The following FRMPD4 variants were observed in gnomAD, a reference collection of about 807,000 sequenced individuals.
FRMPD4 encodes the protein FERM and PDZ domain containing 4, also known as FERM and PDZ domain-containing protein 4.
Under a neutral mutation model 94.1 loss-of-function variants are expected in FRMPD4, and 22 were observed. That is an observed-to-expected ratio of 0.23 (90% CI 0.17 to 0.33). The LOEUF (loss-of-function observed/expected upper bound fraction) is 0.33, where lower values mean the gene tolerates loss of function less well. Among genes scored for constraint, FRMPD4 ranks in the 10% least tolerant of loss-of-function variants. The probability of loss-of-function intolerance (pLI) is 1.00; values close to 1 mark genes in which losing one functional copy is unlikely to be tolerated. For synonymous variants in FRMPD4, 631 were observed against 548.6 expected (o/e 1.15, Z -2.10); for missense variants, 1,111 against 1,339.9 (o/e 0.83, Z 2.67).
intron 1 of FRMPD4, among the ~76,000 whole-genome samples, chrX:12,418,350 C>CTTTTTTTTTTTTTTTTTTTTTTTT (rs540740432): frequency 1.2e-5 from 1 of 81,077 alleles, no homozygotes. Context: ...GTGTTTCTTT[C>CTTTTTTTTTTTTTTTTTTTTTTTT]TTTTTTTTTT....
intron 3 of FRMPD4, among the ~76,000 whole-genome samples, chrX:11,979,527 T>C (rs1601867603): frequency 1.8e-5 from 2 of 112,249 alleles, no homozygotes; most frequent in Non-Finnish European, 3.8e-5. Context: ...CTATACCTCA[T>C]TGATGCTTGG....
Position 12,087,087 on chromosome X carries a change from A to G in FRMPD4, c.95+209069A>G, listed in dbSNP as rs530041395. Among the ~76,000 whole-genome samples, 3 of 111,393 alleles carry G rather than the reference A, an allele frequency of 2.7e-5. No individual in the cohort carries two copies. The South Asian group carries it at 1.2e-3, about 44-fold the overall frequency. The stretch of plus-strand genomic sequence containing the variant: ...GTCTCTCACTCCAACCTGCTGAGAT[A>G]GAGTCTAACACGACACCCCAGCACC... On this transcript the variant is annotated intron_variant, in intron 3 of 18. Coordinates refer to the FRMPD4 transcript ENST00000640291.
chrX:12,543,340 T>C (rs924039625), intron 2 of FRMPD4, among the ~76,000 whole-genome samples: 4 of 111,847 alleles, frequency 3.6e-5, no homozygotes, highest in Non-Finnish European at 5.6e-5. Flanking sequence ...AGTCTACTCA[T>C]CTGACAAAGG....
At chrX:12,216,632 A>G (rs2056810325) in intron 1 of FRMPD4, among the ~76,000 whole-genome samples, 1 of 111,585 alleles carries the variant, frequency 9.0e-6, no homozygotes, top group Non-Finnish European at 1.9e-5. Flanking sequence ...ACATCTTCAT[A>G]TCTCCTCAAA....
chrX:12,713,226 T>C (rs149953622), intron 14 of FRMPD4, among the ~76,000 whole-genome samples: 1,358 of 112,283 alleles, frequency 0.012, 19 homozygotes, highest in African/African-American at 0.04. Flanking sequence ...CCTTTCCTCA[T>C]AGACTGTAAA....
chrX:12,699,051 A>G (rs908603066), intron 9 of FRMPD4, among the ~76,000 whole-genome samples: 1 of 112,105 alleles, frequency 8.9e-6, no homozygotes, highest in Non-Finnish European at 1.9e-5. Flanking sequence ...TCAATCCATT[A>G]TGGCATAGCA....
intron 1 of FRMPD4, among the ~76,000 whole-genome samples, chrX:12,371,223 A>G (rs766280493): frequency 8.9e-6 from 1 of 112,761 alleles, no homozygotes; most frequent in Non-Finnish European, 1.9e-5. Context: ...TAAATTATCC[A>G]AATGACATTT....
Position 12,723,400 on chromosome X carries a change from A to G in FRMPD4, c.*1542A>G, listed in dbSNP as rs2042276248. On this transcript the variant is annotated 3_prime_UTR_variant, in exon 17 of 17. Coordinates refer to ENST00000675598, the MANE Select transcript of FRMPD4 (RefSeq NM_001368397.1). ...AGAAGGAGTCATAACACAGTCCACA[A>G]TTGCAATCTCTCTCTAGTCAGCCAT... 9.0e-6 allele frequency: 1 copy of G among 111,589 alleles called. No homozygotes were observed. The highest frequency in any genetic ancestry group is 3.3e-5 in the African/African-American group (1 of 30,631). 9.2% of individuals were successfully genotyped at this position (111,589 alleles called of 1,213,427 possible).
At chrX:12,653,203 T>TA (rs1038792344) in intron 4 of FRMPD4, among the ~76,000 whole-genome samples, 20 of 111,195 alleles carry the variant, frequency 1.8e-4, no homozygotes, top group African/African-American at 4.3e-4. Context: ...AAATTTGCAG[T>TA]AAAAAAAATG....
chrX:11,843,741 G>T (rs1408509919), intron 1 of FRMPD4, among the ~76,000 whole-genome samples: 7 of 108,731 alleles, frequency 6.4e-5, no homozygotes, highest in South Asian at 7.9e-4. Context: ...ATTTTTTTGT[G>T]GGTCTTGCTG....
intron 3 of FRMPD4, among the ~76,000 whole-genome samples, chrX:12,011,190 A>G (rs1466017839): frequency 3.6e-5 from 4 of 112,273 alleles, no homozygotes; most frequent in Non-Finnish European, 5.6e-5. Flanking sequence ...GGTATTTCTA[A>G]GGATGTTCTG....
chrX:12,376,646 GACAC>G (rs112007203), intron 1 of FRMPD4, among the ~76,000 whole-genome samples: 44 of 110,128 alleles, frequency 4.0e-4, no homozygotes, highest in East Asian at 8.5e-4. Context: ...CGTGCATGTG[GACAC>G]ACACACACAC....
chrX:12,231,721 G>A (rs1191032874), intron 1 of FRMPD4, among the ~76,000 whole-genome samples: 1 of 111,675 alleles, frequency 9.0e-6, no homozygotes, highest in East Asian at 2.8e-4. Flanking sequence ...GCCTCCAAGG[G>A]CCTAGGTGAT....
chrX:11,899,508 G>A (rs1375207005), intron 3 of FRMPD4, among the ~76,000 whole-genome samples: 1 of 110,735 alleles, frequency 9.0e-6, no homozygotes, highest in Non-Finnish European at 1.9e-5. Flanking sequence ...TAGAGAGAAG[G>A]ATTAAGATTT....
intron 1 of FRMPD4, among the ~76,000 whole-genome samples, chrX:11,838,057 A>G (rs1428139933): frequency 9.0e-6 from 1 of 111,717 alleles, no homozygotes; most frequent in East Asian, 2.8e-4. Flanking sequence ...ACATATTTTT[A>G]TAAGTTGAAG....
Position 12,498,716 on chromosome X carries a change from G to A in FRMPD4, c.78G>A (p.Ser26=), listed in dbSNP as rs138335499. ...RTKSSGWPPP[S]GTWGLSQVPP... is the part of the protein sequence containing the mutation. ...AGTCTTCAGGCTGGCCGCCTCCCTCGGGAACCTGGGGCTTGAGCCAGGTGC... is the reference window on the plus strand; with the variant it reads ...AGTCTTCAGGCTGGCCGCCTCCCTCAGGAACCTGGGGCTTGAGCCAGGTGC... The change falls in exon 2 of 17, where the codon TCG becomes TCA. Residue 26 remains serine, a synonymous_variant. Transcript: ENST00000675598. 439 of 1,196,754 alleles carry A rather than the reference G, an allele frequency of 3.7e-4. 3 individuals carry two copies. The African/African-American group carries it at 6.0e-3, about 16-fold the overall frequency.
At chrX:11,837,021 T>G (rs1044364167) in intron 1 of FRMPD4, among the ~76,000 whole-genome samples, 2 of 111,809 alleles carry the variant, frequency 1.8e-5, no homozygotes, top group Non-Finnish European at 3.8e-5. Flanking sequence ...CACTTTTCTG[T>G]TTTCTTATTG....
intron 3 of FRMPD4, among the ~76,000 whole-genome samples, chrX:12,128,309 A>T (rs1048721220): frequency 1.8e-5 from 2 of 112,790 alleles, no homozygotes; most frequent in African/African-American, 6.4e-5. Flanking sequence ...CCACAGGCTC[A>T]ACACCACATG....
At chrX:11,953,342 A>T (rs1464762870) in intron 3 of FRMPD4, among the ~76,000 whole-genome samples, 1 of 111,670 alleles carries the variant, frequency 9.0e-6, no homozygotes, top group Non-Finnish European at 1.9e-5. Context: ...GTGCCTGTTG[A>T]CCTAGCATTA....
Sources: allele counts gnomAD v4.1 joint callset (sites outside exome capture counted in the v4.1 genomes callset), GRCh38; gene constraint gnomAD v4.1.1; transcripts MANE v1.5; gene names NCBI Gene and HGNC (gene_info 2026-07-23, HGNC 2026-07-21).